Variants in PRH1 observed in about 807,000 individuals in gnomAD.
The protein encoded by PRH1 is salivary acidic proline-rich phosphoprotein 1/2.
In PRH1, 7 loss-of-function variants were observed where a neutral mutation model predicts 7.9. The ratio of observed to expected loss-of-function variants is 0.89; its 90% CI spans 0.50 to 1.67. PRH1 has a LOEUF of 1.67. Among genes scored for constraint, PRH1 ranks in the 40% most tolerant of loss-of-function variants. The pLI, the probability that PRH1 is intolerant of heterozygous loss-of-function variation, is 0.00. For synonymous variants in PRH1, 45 were observed against 80.8 expected, an observed-to-expected ratio of 0.56 and a Z score of 2.38; for missense variants, 109 against 223.6, an observed-to-expected ratio of 0.49 and a Z score of 3.27.
chr12:11,029,811 T>C (rs970474020), intron 1 of PRH1, among the ~76,000 whole-genome samples: 1 of 151,988 alleles, frequency 6.6e-6, no homozygotes, highest in Admixed American at 6.6e-5. Flanking sequence ...TTCTACTGTG[T>C]GCATTCTTTT....
chr12:11,169,321 A>G (rs1056543862), intron 1 of PRH1, among the ~76,000 whole-genome samples: 8 of 152,334 alleles, frequency 5.3e-5, no homozygotes, highest in African/African-American at 1.9e-4. Flanking sequence ...ACAACCACCT[A>G]AATTATTGCT....
At chr12:10,973,759 C>A in intron 1 of PRH1, 2 of 773,962 alleles carry the variant, frequency 2.6e-6, no homozygotes, top group Non-Finnish European at 2.4e-6. Flanking sequence ...ATTATATTTT[C>A]AATTCATCGG....
intron 1 of PRH1, among the ~76,000 whole-genome samples, chr12:11,143,336 G>A (rs1326580643): frequency 6.6e-6 from 1 of 151,726 alleles, no homozygotes; most frequent in Non-Finnish European, 1.5e-5. Flanking sequence ...CATAGTAATC[G>A]CAAATCAAAA....
chr12:11,013,937 C>CA (rs1941174490), intron 1 of PRH1, among the ~76,000 whole-genome samples: 1 of 151,794 alleles, frequency 6.6e-6, no homozygotes, highest in South Asian at 2.1e-4. Flanking sequence ...CCATGTTTCC[C>CA]AGGTTGGTCT....
chr12:11,012,264 T>C (rs1361616411), intron 1 of PRH1, among the ~76,000 whole-genome samples: 2 of 152,134 alleles, frequency 1.3e-5, no homozygotes, highest in Admixed American at 6.6e-5. Context: ...CCAGTTGTTA[T>C]AGTATAATTG....
chr12:11,103,133 C>T (rs530665245), intron 1 of PRH1, among the ~76,000 whole-genome samples: 117 of 152,232 alleles, frequency 7.7e-4, no homozygotes, highest in African/African-American at 2.7e-3. Flanking sequence ...GACAGTGTGG[C>T]GATTCCTCAG....
chr12:11,036,037 G>A (rs1165271847), intron 1 of PRH1, among the ~76,000 whole-genome samples: 1 of 152,098 alleles, frequency 6.6e-6, no homozygotes, highest in Non-Finnish European at 1.5e-5. Flanking sequence ...GGGACTACAG[G>A]AGCCTGCCAC....
chr12:11,039,227 C>T (rs376634814), intron 1 of PRH1, among the ~76,000 whole-genome samples: 4 of 152,270 alleles, frequency 2.6e-5, no homozygotes, highest in African/African-American at 9.6e-5. Flanking sequence ...GATATCCTGA[C>T]GAGATTCCCT....
In PRH1 at chr12:10,973,627, C is replaced by A. The variant is rs769951964; in HGVS notation, c.-59+28G>T. ...AAGTGTTGCTAGGTTTTCATTTGAT[C>A]CTGTGTTACTTGATATGTAGAAGTT... On this transcript the variant is annotated intron_variant, in intron 2 of 3. Transcript: ENST00000539853. 4 of 771,762 alleles carry A rather than the reference C, an allele frequency of 5.2e-6. No individual in the cohort carries two copies. The African/African-American group carries it at 6.8e-5, about 13-fold the overall frequency. The allele number at this position is 771,762 out of a possible 1,614,324, so 47.8% of individuals were successfully genotyped here.
intron 1 of PRH1, among the ~76,000 whole-genome samples, chr12:11,029,078 T>C (rs1037394726): frequency 3.3e-5 from 5 of 152,292 alleles, no homozygotes; most frequent in East Asian, 1.9e-4. Flanking sequence ...CATTATCTCT[T>C]TTTTTACAGT....
In PRH1 at chr12:10,902,309, G is replaced by GA. The variant is rs983909516; in HGVS notation, c.-58-18035dup. ...AAAACTGGTCTTTTGAACTAACCCA[G>GA]AAAAAAAAATTAAAAATAATTTAAA... On this transcript the variant is annotated intron_variant, in intron 2 of 3. Transcript: ENST00000539853. 8.0e-5 allele frequency among the ~76,000 whole-genome samples: 12 copies of GA among 149,912 alleles called. No individual in the cohort carries two copies. In the East Asian group the frequency reaches 2.0e-3, roughly 24 times the overall value.
chr12:10,950,416 TA>T (rs1278595323), intron 2 of PRH1, among the ~76,000 whole-genome samples: 1 of 152,020 alleles, frequency 6.6e-6, no homozygotes, highest in Non-Finnish European at 1.5e-5. Context: ...TATATTTATA[TA>T]AAATATTATT....
intron 1 of PRH1, among the ~76,000 whole-genome samples, chr12:11,130,159 A>T (rs1240319185): frequency 2.6e-5 from 4 of 152,250 alleles, no homozygotes; most frequent in Admixed American, 2.6e-4. Context: ...TCAAAATAAT[A>T]CCAATAATAA....
chr12:11,120,746 A>C (rs1325677846), downstream of PRH1: 2 of 152,050 alleles, frequency 1.3e-5, no homozygotes, highest in Non-Finnish European at 2.9e-5. Context: ...TAAGCAAAAA[A>C]TGTTGTGTAT....
At chr12:10,911,793 G>A (rs1259871112) in intron 2 of PRH1, among the ~76,000 whole-genome samples, 10 of 152,036 alleles carry the variant, frequency 6.6e-5, no homozygotes, top group Non-Finnish European at 7.4e-5. Context: ...AAGTTTAAAT[G>A]CTATAGTATA....
intron 1 of PRH1, among the ~76,000 whole-genome samples, chr12:11,037,225 T>C (rs764454024): frequency 5.3e-5 from 8 of 152,254 alleles, no homozygotes; most frequent in Non-Finnish European, 1.0e-4. Context: ...TTTAATAGCA[T>C]CATTAGCAAG....
At chr12:11,171,205 G>A in intron 1 of PRH1, 3 of 428,638 alleles carry the variant, frequency 7.0e-6, no homozygotes, top group East Asian at 3.6e-5. Flanking sequence ...GCTACGCGCC[G>A]CACTGCACCG....
intron 1 of PRH1, among the ~76,000 whole-genome samples, chr12:11,101,350 C>T (rs79270527): frequency 0.048 from 7,351 of 152,124 alleles, 593 homozygotes; most frequent in African/African-American, 0.17. Flanking sequence ...ATTAGCAGGG[C>T]GTAGTGGTGC....
chr12:11,088,082 T>G (rs1944766723), intron 1 of PRH1, among the ~76,000 whole-genome samples: 1 of 128,726 alleles, frequency 7.8e-6, no homozygotes, highest in South Asian at 2.2e-4. Context: ...GGCACATGAC[T>G]GTAATGCCAT....
Sources: gnomAD v4.1 joint callset for allele counts (sites outside exome capture counted in the v4.1 genomes callset) on GRCh38, gnomAD v4.1.1 for gene constraint, MANE v1.5 for transcripts, NCBI Gene and HGNC (gene_info 2026-07-23, HGNC 2026-07-21) for gene names.